CYRIB: variants seen among roughly 807,000 people sequenced by gnomAD.
CYRIB encodes the protein CYFIP-related Rac1 interactor B.
A neutral mutation model predicts 44.2 loss-of-function variants in CYRIB; 8 were observed. The ratio of observed to expected loss-of-function variants is 0.18; its 90% CI spans 0.11 to 0.33. The LOEUF (loss-of-function observed/expected upper bound fraction) is 0.33, where lower values mean the gene tolerates loss of function less well. Among genes scored for constraint, CYRIB ranks in the 10% least tolerant of loss-of-function variants. The pLI is 1.00. For synonymous variants in CYRIB, 131 were observed against 127.2 expected, an observed-to-expected ratio of 1.03 and a Z score of -0.20; for missense variants, 185 against 382.8, an observed-to-expected ratio of 0.48 and a Z score of 4.31.
At chr8:130,007,210 C>G (rs2097122633) in intron 1 of CYRIB, among the ~76,000 whole-genome samples, 1 of 152,106 alleles carries the variant, frequency 6.6e-6, no homozygotes, top group Non-Finnish European at 1.5e-5. Context: ...TTATGAGATG[C>G]CCACTGAGAA....
upstream of CYRIB, among the ~76,000 whole-genome samples, chr8:129,941,658 G>A (rs1030999517): frequency 6.6e-6 from 1 of 152,120 alleles, no homozygotes; most frequent in Non-Finnish European, 1.5e-5. Flanking sequence ...ACATACTGAC[G>A]TCCAACCTCA....
In CYRIB at chr8:130,006,605, T is replaced by TATATATACAC. The variant is rs374570395; in HGVS notation, c.-296+9764_-296+9765insGTGTATATAT. Among the ~76,000 whole-genome samples the TATATATACAC allele has an allele frequency of 6.0e-4, 14 of 23,318 alleles. 3 individuals carry two copies. The highest frequency in any genetic ancestry group is 5.9e-3 in the African/African-American group (11 of 1,858). The allele number at this position is 23,318 out of a possible 152,430, so 15.3% of individuals were successfully genotyped here. Reference sequence around the variant, plus strand: ...ACTAAAAACACAAATTATATATATATACATATATATGTGTATATATATACA... The same window carrying TATATATACAC: ...ACTAAAAACACAAATTATATATATATATATATACACACATATATATGTGTATATATATACA... On this transcript the variant is annotated intron_variant, in intron 1 of 14. Transcript: ENST00000401979.
At chr8:129,964,006 G>A (rs184524242) in intron 2 of CYRIB, among the ~76,000 whole-genome samples, 89 of 152,286 alleles carry the variant, frequency 5.8e-4, no homozygotes, top group Non-Finnish European at 9.7e-4. Context: ...TTTATTTCCA[G>A]ATGATCAAGG....
intron 4 of CYRIB, 29 bp downstream of exon 6, chr8:129,871,346 T>A (rs752728956): frequency 6.3e-7 from 1 of 1,586,406 alleles, no homozygotes; most frequent in South Asian, 1.2e-5. Context: ...AAGTTTCAGT[T>A]AACTAGAAAA....
chr8:129,933,751 G>A (rs1445525148), intron 1 of CYRIB, among the ~76,000 whole-genome samples: 1 of 152,056 alleles, frequency 6.6e-6, no homozygotes, highest in Non-Finnish European at 1.5e-5. Context: ...GCACGCATCT[G>A]TAGTCCCAGC....
intron 1 of CYRIB, among the ~76,000 whole-genome samples, chr8:129,931,753 A>G (rs2091455729): frequency 2.0e-5 from 3 of 151,880 alleles, no homozygotes; most frequent in Non-Finnish European, 4.4e-5. Context: ...CAGCCTCCCA[A>G]GTAGCTGGGA....
intron 7 of CYRIB, among the ~76,000 whole-genome samples, chr8:129,852,971 C>T (rs527486620): frequency 2.0e-5 from 3 of 152,134 alleles, no homozygotes; most frequent in Admixed American, 6.5e-5. Context: ...AACTGATAAT[C>T]GTGGGCAGAT....
intron 1 of CYRIB, among the ~76,000 whole-genome samples, chr8:129,996,635 T>C (rs1028593988): frequency 1.3e-5 from 2 of 152,150 alleles, no homozygotes; most frequent in African/African-American, 4.8e-5. Flanking sequence ...ATATTACTGC[T>C]AGTAAACTAG....
In CYRIB at chr8:129,853,753, C is replaced by T. The variant is rs1402814593; in HGVS notation, c.516+513G>A. On this transcript the variant is annotated intron_variant, in intron 7 of 11. Transcript: ENST00000519824. ...AATGCTATACTAGCCAAGGAGCAGG[C>T]ACAAAGCCATTTTCTCAAACAGCTA... 2.6e-5 allele frequency among the ~76,000 whole-genome samples: 4 copies of T among 152,156 alleles called. No homozygotes were observed. In the South Asian group the frequency reaches 8.3e-4, roughly 31 times the overall value.
intron 1 of CYRIB, among the ~76,000 whole-genome samples, chr8:129,912,971 CTTT>C (rs34861646): frequency 8.1e-5 from 10 of 124,116 alleles, no homozygotes; most frequent in Admixed American, 1.8e-4. Flanking sequence ...ATCTGCTTCA[CTTT>C]TTTTTTTTTT....
chr8:129,842,150 G>T, exon 12 of CYRIB: 1 of 1,611,420 alleles, frequency 6.2e-7, no homozygotes, highest in Non-Finnish European at 8.5e-7. Context: ...TGTTATTGCA[G>T]CATGGATTTA....
chr8:129,893,268 C>T (rs947302246), intron 2 of CYRIB, among the ~76,000 whole-genome samples: 57 of 152,272 alleles, frequency 3.7e-4, no homozygotes, highest in African/African-American at 1.3e-3. Flanking sequence ...TTAAATCAAA[C>T]AACATTTACT....
chr8:129,843,186 CAAG>C (rs956717068), intron 11 of CYRIB, among the ~76,000 whole-genome samples: 29 of 152,292 alleles, frequency 1.9e-4, no homozygotes, highest in African/African-American at 6.7e-4. Flanking sequence ...AGAAGTATAA[CAAG>C]AAGAGGCTAC....
At chr8:129,980,720 G>C (rs892316202) in intron 1 of CYRIB, among the ~76,000 whole-genome samples, 1 of 151,810 alleles carries the variant, frequency 6.6e-6, no homozygotes, top group African/African-American at 2.4e-5. Flanking sequence ...AGTGGCTCAC[G>C]CCTGTAACCC....
At chr8:129,872,192 T>C (rs1045329912) in intron 3 of CYRIB, among the ~76,000 whole-genome samples, 2 of 152,088 alleles carry the variant, frequency 1.3e-5, no homozygotes, top group Non-Finnish European at 2.9e-5. Context: ...ATAAAACTGC[T>C]CCACAATTAC....
chr8:129,868,555 A>C (rs968964797), intron 4 of CYRIB: 3 of 152,046 alleles, frequency 2.0e-5, no homozygotes, highest in African/African-American at 4.8e-5. Context: ...ATCACCAATC[A>C]TGGACTATTT....
chr8:129,994,199 T>G (rs2096714341), intron 1 of CYRIB, among the ~76,000 whole-genome samples: 1 of 152,118 alleles, frequency 6.6e-6, no homozygotes, highest in African/African-American at 2.4e-5. Flanking sequence ...GAAGGCCACG[T>G]GAACACGAGC....
intron 1 of CYRIB, among the ~76,000 whole-genome samples, chr8:130,005,868 C>T (rs1414889395): frequency 6.6e-6 from 1 of 151,828 alleles, no homozygotes; most frequent in African/African-American, 2.4e-5. Flanking sequence ...GTGATCTCCA[C>T]TGTCCTTTCC....
intron 2 of CYRIB, among the ~76,000 whole-genome samples, chr8:129,958,160 GA>G (rs887640162): frequency 2.6e-5 from 4 of 151,608 alleles, no homozygotes; most frequent in African/African-American, 7.3e-5. Context: ...TGTCTCTGGG[GA>G]AAAAAAATAT....
Sources: gnomAD v4.1 joint callset for allele counts (sites outside exome capture counted in the v4.1 genomes callset) on GRCh38, gnomAD v4.1.1 for gene constraint, MANE v1.5 for transcripts, NCBI Gene and HGNC (gene_info 2026-07-23, HGNC 2026-07-21) for gene names.